Variants in XKR9 observed in about 807,000 individuals in gnomAD.
XKR9 encodes XK related 9.
XKR9 carries 32 observed loss-of-function variants against 32.0 expected under a neutral mutation model. The ratio of observed to expected loss-of-function variants is 1.00; its 90% CI spans 0.76 to 1.34. The LOEUF (loss-of-function observed/expected upper bound fraction) is 1.34. XKR9 is among the 40% of genes most tolerant of loss of function. The probability of loss-of-function intolerance (pLI) is 0.00; values close to 1 mark genes in which losing one functional copy is unlikely to be tolerated. For missense variants in XKR9, 546 were observed against 429.7 expected, an observed-to-expected ratio of 1.27 and a Z score of -2.39; for synonymous variants, 168 against 143.4, an observed-to-expected ratio of 1.17 and a Z score of -1.22.
chr8:70,697,694 C>T (rs1293838938), intron 3 of XKR9, among the ~76,000 whole-genome samples: 6 of 151,666 alleles, frequency 4.0e-5, no homozygotes, highest in South Asian at 2.1e-4. Flanking sequence ...TGATGCTGGC[C>T]TCATAAAATG....
chr8:70,910,296 G>A, the XKR9 span, among the ~76,000 whole-genome samples: 1 of 152,040 alleles, frequency 6.6e-6, no homozygotes, highest in African/African-American at 2.4e-5. Flanking sequence ...TGTGAGCACT[G>A]CAATTATATG....
intron 2 of XKR9, among the ~76,000 whole-genome samples, chr8:70,769,309 G>A (rs904146041): frequency 2.7e-5 from 4 of 150,918 alleles, no homozygotes; most frequent in African/African-American, 9.8e-5. Context: ...GAAATCCGCT[G>A]TTAGTCTGAT....
At chr8:70,847,124 T>C in the XKR9 span, among the ~76,000 whole-genome samples, 5 of 151,948 alleles carry the variant, frequency 3.3e-5, no homozygotes, top group African/African-American at 1.2e-4. Context: ...TTTTAAAAAT[T>C]AAATGTATAC....
intron 2 of XKR9, among the ~76,000 whole-genome samples, chr8:70,777,838 A>C (rs1807553959): frequency 6.6e-6 from 1 of 152,004 alleles, no homozygotes; most frequent in Non-Finnish European, 1.5e-5. Context: ...AATTCTTTGT[A>C]GATTCTGGAT....
At chr8:70,688,902 A>G (rs1401906905) in intron 3 of XKR9, among the ~76,000 whole-genome samples, 3 of 152,338 alleles carry the variant, frequency 2.0e-5, no homozygotes, top group Admixed American at 1.3e-4. Context: ...GTAAAATACT[A>G]TAAAAGAAGA....
At chr8:70,927,025 T>C in the XKR9 span, among the ~76,000 whole-genome samples, 1 of 152,064 alleles carries the variant, frequency 6.6e-6, no homozygotes, top group Non-Finnish European at 1.5e-5. Context: ...TATGTATTTA[T>C]GAGGTAGGTG....
At chr8:71,005,994 G>A in the XKR9 span, among the ~76,000 whole-genome samples, 1 of 152,214 alleles carries the variant, frequency 6.6e-6, no homozygotes, top group African/African-American at 2.4e-5. Flanking sequence ...CACATCCTAG[G>A]GTTATTAGTT....
the XKR9 span, among the ~76,000 whole-genome samples, chr8:70,937,542 G>T: frequency 6.6e-6 from 1 of 152,056 alleles, no homozygotes; most frequent in Non-Finnish European, 1.5e-5. Context: ...TTTGTGTGAT[G>T]TTGAGGGAAT....
chr8:70,944,054 CTA>C, the XKR9 span, among the ~76,000 whole-genome samples: 4 of 152,010 alleles, frequency 2.6e-5, no homozygotes, highest in African/African-American at 4.8e-5. Context: ...TGAAATGTTT[CTA>C]TGAGTCTTTT....
intron 2 of XKR9, among the ~76,000 whole-genome samples, chr8:70,762,532 A>C (rs1243447071): frequency 2.6e-5 from 4 of 152,224 alleles, no homozygotes; most frequent in African/African-American, 9.6e-5. Context: ...CTAACGCCAG[A>C]TGATCTAAGG....
At chr8:70,882,054 A>G in the XKR9 span, among the ~76,000 whole-genome samples, 1 of 152,062 alleles carries the variant, frequency 6.6e-6, no homozygotes. Flanking sequence ...ATAGGTGGGA[A>G]TTGAACAATG....
chr8:71,028,113 T>A, the XKR9 span, among the ~76,000 whole-genome samples: 3 of 152,192 alleles, frequency 2.0e-5, no homozygotes, highest in African/African-American at 7.2e-5. Context: ...GACATTGGAA[T>A]TTTGATAAGG....
At chr8:70,976,132 G>T in the XKR9 span, among the ~76,000 whole-genome samples, 1 of 152,170 alleles carries the variant, frequency 6.6e-6, no homozygotes, top group Non-Finnish European at 1.5e-5. Context: ...TCAGCTTAAG[G>T]AGATTTTGGG....
chr8:70,739,216 T>C (rs1009547248), downstream of XKR9, among the ~76,000 whole-genome samples: 1 of 152,196 alleles, frequency 6.6e-6, no homozygotes, highest in African/African-American at 2.4e-5. Context: ...CCTTTACCAT[T>C]AAGTAATGGC....
the XKR9 span, among the ~76,000 whole-genome samples, chr8:70,897,120 A>C: frequency 1.3e-5 from 2 of 152,098 alleles, no homozygotes; most frequent in Non-Finnish European, 2.9e-5. Context: ...CCTGCAGAAA[A>C]GTGAGAACAT....
chr8:71,049,836 C>T, the XKR9 span, among the ~76,000 whole-genome samples: 1 of 151,892 alleles, frequency 6.6e-6, no homozygotes, highest in Non-Finnish European at 1.5e-5. Context: ...ACATCACAGG[C>T]GATGGTACAA....
intron 2 of XKR9, among the ~76,000 whole-genome samples, chr8:70,776,947 C>CTCTCTCTATCTATA: frequency 1.8e-5 from 1 of 54,222 alleles, no homozygotes; most frequent in Non-Finnish European, 3.5e-5. Context: ...CTCTCTCTCT[C>CTCTCTCTATCTATA]TATATATATA....
chr8:70,866,731 C>T, the XKR9 span, among the ~76,000 whole-genome samples: 1 of 151,764 alleles, frequency 6.6e-6, no homozygotes, highest in Non-Finnish European at 1.5e-5. Flanking sequence ...AGTCATCACC[C>T]CCCTTGGCCT....
chr8:70,759,761 A>G (rs1308913862), intron 2 of XKR9, among the ~76,000 whole-genome samples: 1 of 152,200 alleles, frequency 6.6e-6, no homozygotes, highest in Non-Finnish European at 1.5e-5. Context: ...ACTCTGATTT[A>G]TGAACCCATA....
Sources: allele counts gnomAD v4.1 joint callset (sites outside exome capture counted in the v4.1 genomes callset), GRCh38; gene constraint gnomAD v4.1.1; transcripts MANE v1.5; gene names NCBI Gene and HGNC (gene_info 2026-07-23, HGNC 2026-07-21).